SLC6A11: variants seen among roughly 807,000 people sequenced by gnomAD.
SLC6A11 encodes sodium- and chloride-dependent GABA transporter 3.
In SLC6A11, 25 loss-of-function variants were observed where a neutral mutation model predicts 74.8. The observed-to-expected ratio is 0.33, with a 90% CI of 0.24 to 0.47. The LOEUF (loss-of-function observed/expected upper bound fraction) is 0.47, where lower values mean the gene tolerates loss of function less well. SLC6A11 is among the 20% of genes least tolerant of loss of function. SLC6A11 has a pLI of 1.00. For synonymous variants in SLC6A11, 330 were observed against 330.2 expected (o/e 1.00, Z 0.01); for missense variants, 574 against 837.0 (o/e 0.69, Z 3.88).
intron 6 of SLC6A11, among the ~76,000 whole-genome samples, chr3:10,899,327 CCA>C (rs939763510): frequency 3.9e-5 from 6 of 152,202 alleles, no homozygotes; most frequent in African/African-American, 1.4e-4. Context: ...TCCCCAGCCA[CCA>C]CAGATATCCC....
At position 10,926,160 on chromosome 3, in the gene SLC6A11, T is replaced by C. The variant is rs772462891; in HGVS notation, c.1233+44T>C. On this transcript the variant is annotated intron_variant, in intron 9 of 13. Coordinates refer to ENST00000254488, the MANE Select transcript of SLC6A11 (RefSeq NM_014229.3). The surrounding 1 kb of genome is among the most constrained non-coding windows in gnomAD (Gnocchi z 5.7). ...GGGGAGCCCAGGAGGGAGGGGAGCC[T>C]GGGCCAGGAGGCCAGACGCCACCCT... 7 of 1,371,072 alleles carry C rather than the reference T, an allele frequency of 5.1e-6. No individual in the cohort carries two copies. Among genetic ancestry groups the C allele is most frequent in the Non-Finnish European group, 7.2e-6 (7 of 970,734 alleles). The allele number at this position is 1,371,072 out of a possible 1,614,324, so 84.9% of individuals were successfully genotyped here.
chr3:10,864,563 G>T (rs1220613793), intron 5 of SLC6A11, among the ~76,000 whole-genome samples: 2 of 152,146 alleles, frequency 1.3e-5, no homozygotes, highest in Admixed American at 1.3e-4. Flanking sequence ...CCTCCCTGTT[G>T]GGTGTGTCTG....
At chr3:10,873,996 T>TACGCTACGCTAC (rs1559567293) in intron 5 of SLC6A11, among the ~76,000 whole-genome samples, 265 of 128,608 alleles carry the variant, frequency 2.1e-3, no homozygotes, top group Middle Eastern at 0.018. Context: ...CGCTACGCTA[T>TACGCTACGCTAC]GCTATGCTAT....
chr3:10,925,712 G>A (rs1695595165), intron 8 of SLC6A11, among the ~76,000 whole-genome samples: 1 of 152,194 alleles, frequency 6.6e-6, no homozygotes, highest in Non-Finnish European at 1.5e-5. Flanking sequence ...TCCCCCTTGA[G>A]AACAGTAGAG....
chr3:10,862,480 G>A (rs1365083670), intron 5 of SLC6A11, among the ~76,000 whole-genome samples: 1 of 152,196 alleles, frequency 6.6e-6, no homozygotes, highest in Non-Finnish European at 1.5e-5. Flanking sequence ...CCTGTGGACA[G>A]GGATTTAAAT....
At chr3:10,907,607 C>T (rs984529713) in intron 6 of SLC6A11, among the ~76,000 whole-genome samples, 4 of 152,126 alleles carry the variant, frequency 2.6e-5, no homozygotes, top group Non-Finnish European at 4.4e-5. Flanking sequence ...TAGAACAAAA[C>T]CTGTTGGACA....
intron 7 of SLC6A11, among the ~76,000 whole-genome samples, chr3:10,913,512 A>G (rs1695414529): frequency 6.6e-6 from 1 of 152,220 alleles, no homozygotes; most frequent in African/African-American, 2.4e-5. Flanking sequence ...AATTTTTAAA[A>G]AATTGTTAAT....
chr3:10,917,718 C>T (rs1385901724), intron 7 of SLC6A11, among the ~76,000 whole-genome samples: 3 of 152,300 alleles, frequency 2.0e-5, no homozygotes, highest in East Asian at 1.9e-4. Flanking sequence ...ACAGTCACTG[C>T]TCTGATAAAC....
At chr3:10,847,435 C>G (rs796188958) in intron 5 of SLC6A11, among the ~76,000 whole-genome samples, 9 of 152,334 alleles carry the variant, frequency 5.9e-5, no homozygotes, top group African/African-American at 2.2e-4. Context: ...TTCCTGAAGA[C>G]TGGGTTTCTC....
intron 6 of SLC6A11, among the ~76,000 whole-genome samples, chr3:10,886,347 C>T (rs1695042248): frequency 6.6e-6 from 1 of 152,170 alleles, no homozygotes; most frequent in Non-Finnish European, 1.5e-5. Context: ...CCCTCTGTGG[C>T]CTGGTCCCTG....
chr3:10,820,597 C>A (rs1278240510), intron 3 of SLC6A11, among the ~76,000 whole-genome samples: 2 of 152,204 alleles, frequency 1.3e-5, no homozygotes, highest in African/African-American at 4.8e-5. Context: ...AATGGATAAT[C>A]TTTTAGATTA....
chr3:10,853,383 C>T lies in SLC6A11; in HGVS notation c.756+9037C>T, dbSNP rs924355162. ...GGGCACCCCCGCTTGCTGTCACCTG[C>T]GGGCAATGGCCCACTCACCCCAGTG... On this transcript the variant is annotated intron_variant, in intron 5 of 13. Transcript: ENST00000254488. Among the ~76,000 whole-genome samples, 19 of 152,328 alleles carry T rather than the reference C, an allele frequency of 1.2e-4. 1 individual carries two copies. Among genetic ancestry groups the T allele is most frequent in the Admixed American group, 5.9e-4 (9 of 15,310 alleles).
chr3:10,816,487 G>A lies in SLC6A11; in HGVS notation c.222G>A (p.Trp74Ter). 2 of 1,604,964 alleles carry A rather than the reference G, an allele frequency of 1.2e-6. No individual in the cohort carries two copies. The highest frequency in any genetic ancestry group is 1.7e-6 in the Non-Finnish European group (2 of 1,176,132). The change falls in exon 1 of 14, where the codon TGG (tryptophan) becomes TGA (stop). Residue 74 changes from tryptophan to a stop codon, truncating the protein, a stop_gained. Transcript: ENST00000254488. LOFTEE classifies it high-confidence loss of function. This position sits in a 1 kb window ranked among gnomAD's most constrained non-coding sequence, Gnocchi z 4.2. ...AGATCATTGGGCTGGGCAACGTGTG[G>A]CGCTTCCCCTACCTGTGCTACAAGA... ...AGEIIGLGNV[W>*]RFPYLCYKNG...
At position 10,816,658 on chromosome 3, in the gene SLC6A11, G is replaced by C; in HGVS notation, c.256+137G>C. 1 of 931,810 alleles carries C rather than the reference G, an allele frequency of 1.1e-6. No individual in the cohort carries two copies. Among genetic ancestry groups the C allele is most frequent in the African/African-American group, 1.8e-5 (1 of 56,886 alleles). The allele number at this position is 931,810 out of a possible 1,614,324, so 57.7% of individuals were successfully genotyped here. A position where few individuals can be genotyped will look rare whatever the true frequency, so the allele number is the denominator to read the frequency against. On this transcript the variant is annotated intron_variant, in intron 1 of 13. Transcript: ENST00000254488. This position sits in a 1 kb window ranked among gnomAD's most constrained non-coding sequence, Gnocchi z 4.2. ...GGAGAACCTCGACTCCAGGCACCTC[G>C]CGTGTGAGCTCGCCCCGGAGCGCGG... is the stretch of plus-strand genomic sequence containing the variant.
In SLC6A11 at chr3:10,933,220, A is replaced by G. The variant is rs547103268; in HGVS notation, c.1441A>G (p.Ile481Val). The G allele has an allele frequency of 1.9e-6, 3 of 1,613,996 alleles. No homozygotes were observed. Among genetic ancestry groups the G allele is most frequent in the East Asian group, 4.5e-5 (2 of 44,858 alleles). The change falls in exon 11 of 14, where the codon ATC (isoleucine) becomes GTC (valine). Residue 481 changes from isoleucine to valine, a missense_variant. Coordinates refer to ENST00000254488, the MANE Select transcript of SLC6A11 (RefSeq NM_014229.3). ...ASGMCLLFVAIFECICIGWVY... is the reference protein window; with the variant it reads ...ASGMCLLFVAVFECICIGWVY... The stretch of plus-strand genomic sequence containing the variant: ...TGGGATGTGCCTTCTCTTCGTGGCC[A>G]TCTTTGAGTGCATCTGCATCGGCTG...
rs766636199 is a variant in SLC6A11 at position 10,858,173 on chromosome 3, A to G, written c.756+13827A>G. Among the ~76,000 whole-genome samples, 6 of 152,266 alleles carry G rather than the reference A, an allele frequency of 3.9e-5. 1 individual carries two copies. The highest frequency in any genetic ancestry group is 4.4e-5 in the Non-Finnish European group (3 of 68,040). On this transcript the variant is annotated intron_variant, in intron 5 of 13. Coordinates refer to ENST00000254488, the MANE Select transcript of SLC6A11 (RefSeq NM_014229.3). ...CACGGACAGTACAGCCATTAGTGAC[A>G]TGATTTTCTGAAATGATGAACAATG...
Position 10,938,435 on chromosome 3 carries a change from T to A in SLC6A11, c.*33T>A. ...CCAGCCATCTGGGGCTCTTCTTCCTTTCTTCCCCCCGTGTATGTAAATGAA... is the reference window on the plus strand; with the variant it reads ...CCAGCCATCTGGGGCTCTTCTTCCTATCTTCCCCCCGTGTATGTAAATGAA... On this transcript the variant is annotated 3_prime_UTR_variant, in exon 14 of 14. Transcript: ENST00000254488. 2 of 1,559,634 alleles carry A rather than the reference T, an allele frequency of 1.3e-6. No homozygotes were observed.
intron 4 of SLC6A11, among the ~76,000 whole-genome samples, chr3:10,826,883 C>T (rs1210073843): frequency 6.6e-6 from 1 of 152,244 alleles, no homozygotes; most frequent in Admixed American, 6.5e-5. Flanking sequence ...TGTGCATCCT[C>T]ATCGGTATAG....
At chr3:10,835,709 T>G (rs866983129) in intron 4 of SLC6A11, among the ~76,000 whole-genome samples, 12 of 152,294 alleles carry the variant, frequency 7.9e-5, no homozygotes, top group African/African-American at 2.9e-4. Context: ...GGTAGCTATT[T>G]CTGTGGAGCC....
Sources: allele counts gnomAD v4.1 joint callset (sites outside exome capture counted in the v4.1 genomes callset), GRCh38; gene constraint gnomAD v4.1.1; non-coding constraint Gnocchi (gnomAD v3.1); transcripts MANE v1.5; gene names NCBI Gene and HGNC (gene_info 2026-07-23, HGNC 2026-07-21).